MBLAC2: variants seen among roughly 807,000 people sequenced by gnomAD.
The protein encoded by MBLAC2 is acyl-coenzyme A thioesterase MBLAC2.
Under a neutral mutation model 23.3 loss-of-function variants are expected in MBLAC2, and 24 were observed. The observed-to-expected ratio is 1.03, with a 90% CI of 0.75 to 1.45. The LOEUF is 1.45. Ranked by LOEUF, MBLAC2 falls within the 40% of genes most tolerant of loss-of-function variation. MBLAC2 has a pLI of 0.00. For synonymous variants in MBLAC2, 162 were observed against 150.9 expected, an observed-to-expected ratio of 1.07 and a Z score of -0.54; for missense variants, 358 against 370.0, an observed-to-expected ratio of 0.97 and a Z score of 0.27.
At position 90,465,275 on chromosome 5, in the gene MBLAC2, T is replaced by C. The variant is rs1580180754; in HGVS notation, c.455-3723A>G. Among the ~76,000 whole-genome samples, 5 of 152,296 alleles carry C rather than the reference T, an allele frequency of 3.3e-5. No homozygotes were observed. The South Asian group carries it at 8.3e-4, about 25-fold the overall frequency. The stretch of plus-strand genomic sequence containing the variant: ...AAGAATAAAATACTTGGGAAAAAAT[T>C]TGACAAAAGATGTTTTGTAATATAT... On this transcript the variant is annotated intron_variant, in intron 1 of 1. Coordinates refer to ENST00000316610, the MANE Select transcript of MBLAC2 (RefSeq NM_203406.2).
At chr5:90,472,466 G>A (rs1358143634) in intron 1 of MBLAC2, 3 of 126,370 alleles carry the variant, frequency 2.4e-5, no homozygotes, top group African/African-American at 9.9e-5. Flanking sequence ...AAACTTTAAT[G>A]AAGACTTGTT....
At chr5:90,470,295 AGAGTT>A (rs1358207437) in intron 1 of MBLAC2, among the ~76,000 whole-genome samples, 1 of 152,222 alleles carries the variant, frequency 6.6e-6, no homozygotes, top group African/African-American at 2.4e-5. Context: ...TTGATAGACT[AGAGTT>A]AACAAGGATT....
intron 1 of MBLAC2, among the ~76,000 whole-genome samples, chr5:90,463,912 C>T (rs1228384158): frequency 6.6e-6 from 1 of 152,074 alleles, no homozygotes; most frequent in Non-Finnish European, 1.5e-5. Context: ...AACATCACTA[C>T]AGACCCTGAA....
Position 90,473,863 on chromosome 5 carries a change from G to T in MBLAC2, c.430C>A (p.Gln144Lys), listed in dbSNP as rs1357081143. The change falls in exon 1 of 2, where the codon CAG (glutamine) becomes AAG (lysine). Residue 144 changes from glutamine to lysine, a missense_variant. Coordinates refer to ENST00000316610, the MANE Select transcript of MBLAC2 (RefSeq NM_203406.2). ...CCATCCTGCAGGATGAGGGTGGGCT[G>T]CACCGCCTGTACCCGGAACTGTCTG... The part of the protein sequence containing the change: ...RARQFRVQAV[Q>K]PTLILQDGDV... 3 of 1,592,786 alleles carry T rather than the reference G, an allele frequency of 1.9e-6. No individual in the cohort carries two copies. Among genetic ancestry groups the T allele is most frequent in the Middle Eastern group, 1.7e-4 (1 of 6,038 alleles).
chr5:90,467,622 C>A (rs1262290202), intron 1 of MBLAC2, among the ~76,000 whole-genome samples: 1 of 151,966 alleles, frequency 6.6e-6, no homozygotes, highest in African/African-American at 2.4e-5. Flanking sequence ...GAATTCTTAT[C>A]CATTCTGTCA....
In MBLAC2 at chr5:90,474,535, C is replaced by A. The variant is rs1750675193; in HGVS notation, c.-243G>T. 1.9e-6 allele frequency: 1 copy of A among 530,678 alleles called. No individual in the cohort carries two copies. Among genetic ancestry groups the A allele is most frequent in the South Asian group, 2.3e-5 (1 of 42,640 alleles). The allele number at this position is 530,678 out of a possible 1,614,324, so 32.9% of individuals were successfully genotyped here. ...GGTCGGCAGCAAGCAGAGGCTGCGC[C>A]ACCAGCACGGGGGCGCAGGAGCTAC... On this transcript the variant is annotated 5_prime_UTR_variant, in exon 1 of 2. Coordinates refer to ENST00000316610, the MANE Select transcript of MBLAC2 (RefSeq NM_203406.2).
intron 1 of MBLAC2, among the ~76,000 whole-genome samples, chr5:90,467,395 T>C (rs1750466082): frequency 6.6e-6 from 1 of 152,228 alleles, no homozygotes; most frequent in Admixed American, 6.5e-5. Flanking sequence ...TTTAGAATTG[T>C]GATATTTTCC....
chr5:90,471,303 G>A (rs527917709), intron 1 of MBLAC2, among the ~76,000 whole-genome samples: 147 of 152,232 alleles, frequency 9.7e-4, no homozygotes, highest in African/African-American at 3.4e-3. Context: ...TAATATCTTG[G>A]TGACACTGGG....
Position 90,458,541 on chromosome 5 carries a change from G to GA in MBLAC2, c.*2625_*2626insT, listed in dbSNP as rs1298243855. ...TTTAAGTTACAAGGGTCACTGTCAG[G>GA]GTGAAAATATATTTTGAAAAGCTTT... is the stretch of plus-strand genomic sequence containing the variant. On this transcript the variant is annotated 3_prime_UTR_variant, in exon 2 of 2. Coordinates refer to ENST00000316610, the MANE Select transcript of MBLAC2 (RefSeq NM_203406.2). 6.6e-6 allele frequency: 1 copy of GA among 152,048 alleles called. No homozygotes were observed. The highest frequency in any genetic ancestry group is 1.9e-4 in the East Asian group (1 of 5,204). The allele number at this position is 152,048 out of a possible 1,614,324, so 9.4% of individuals were successfully genotyped here.
chr5:90,458,791 T>C lies in MBLAC2; in HGVS notation c.*2376A>G, dbSNP rs1750308294. On this transcript the variant is annotated 3_prime_UTR_variant, in exon 2 of 2. Coordinates refer to ENST00000316610, the MANE Select transcript of MBLAC2 (RefSeq NM_203406.2). ...GTGCTGGGAGTAAGATTAAATTAAATAATGCATATTTTAAATGTACAGCAT... is the reference window on the plus strand; with the variant it reads ...GTGCTGGGAGTAAGATTAAATTAAACAATGCATATTTTAAATGTACAGCAT... 1 of 152,210 alleles carries C rather than the reference T, an allele frequency of 6.6e-6. No individual in the cohort carries two copies. The highest frequency in any genetic ancestry group is 2.4e-5 in the African/African-American group (1 of 41,454). The allele number at this position is 152,210 out of a possible 1,614,324, so 9.4% of individuals were successfully genotyped here.
At chr5:90,464,555 G>A (rs569545295) in intron 1 of MBLAC2, among the ~76,000 whole-genome samples, 14 of 151,984 alleles carry the variant, frequency 9.2e-5, no homozygotes, top group Middle Eastern at 3.4e-3. Flanking sequence ...ATTGCACTCC[G>A]GCCTGAACAA....
Position 90,461,341 on chromosome 5 carries a change from A to C in MBLAC2, c.666T>G (p.Gly222=). 1 of 1,614,170 alleles carries C rather than the reference A, an allele frequency of 6.2e-7. No homozygotes were observed. Among genetic ancestry groups the C allele is most frequent in the Non-Finnish European group, 8.5e-7 (1 of 1,180,020 alleles). Residue 222 remains glycine, a synonymous_variant, in exon 2 of 2, where the codon GGT becomes GGG. Transcript: ENST00000316610. ...CERLIELVDR[G]LVEKVLPGHF... is the part of the protein sequence containing the mutation. ...GCCCAGGAAGCACCTTCTCTACCAG[A>C]CCTCTGTCCACTAATTCTATTAGAC...
chr5:90,466,791 C>T (rs1187950358), intron 1 of MBLAC2, among the ~76,000 whole-genome samples: 1 of 152,186 alleles, frequency 6.6e-6, no homozygotes, highest in African/African-American at 2.4e-5. Context: ...TCAAGTACCA[C>T]TACACACTCA....
intron 1 of MBLAC2, among the ~76,000 whole-genome samples, chr5:90,467,223 T>A (rs1182355283): frequency 6.6e-6 from 1 of 152,206 alleles, no homozygotes; most frequent in Non-Finnish European, 1.5e-5. Flanking sequence ...TTTAAGTCCA[T>A]TGTTTCTTTG....
intron 1 of MBLAC2, among the ~76,000 whole-genome samples, chr5:90,461,866 T>C (rs1429562792): frequency 1.3e-5 from 2 of 152,228 alleles, no homozygotes; most frequent in Non-Finnish European, 2.9e-5. Flanking sequence ...ATTAAGCAGC[T>C]TTCTTTTCAG....
chr5:90,473,466 T>C, intron 1 of MBLAC2: 1 of 572,316 alleles, frequency 1.7e-6, no homozygotes, highest in South Asian at 2.2e-5. Context: ...GTCTGCTCAC[T>C]ACGAAAGCTC....
At position 90,474,673 on chromosome 5, in the gene MBLAC2, C is replaced by T. The variant is rs1181485485; in HGVS notation, c.-381G>A. On this transcript the variant is annotated 5_prime_UTR_variant, in exon 1 of 2. Transcript: ENST00000316610. The stretch of plus-strand genomic sequence containing the variant: ...CCCCGGGCGTGTGACAGCAGAGGCC[C>T]GCAGTGAGGGTGGGAAGAGCTAGAA... 1 of 279,162 alleles carries T rather than the reference C, an allele frequency of 3.6e-6. No homozygotes were observed. Among genetic ancestry groups the T allele is most frequent in the African/African-American group, 2.3e-5 (1 of 43,022 alleles). 17.3% of individuals were successfully genotyped at this position (279,162 alleles called of 1,614,324 possible).
rs1434824698 is a variant in MBLAC2, at chr5:90,474,470, C to A, written c.-178G>T. The stretch of plus-strand genomic sequence containing the variant: ...GAATAGGAGGAGGAAGGACGCAGAC[C>A]GACGCTGCCCGTAGCGTGCGCTCCC... On this transcript the variant is annotated 5_prime_UTR_variant, in exon 1 of 2. Transcript: ENST00000316610. The A allele has an allele frequency of 3.3e-6, 2 of 613,652 alleles. No homozygotes were observed. The highest frequency in any genetic ancestry group is 5.7e-6 in the Non-Finnish European group (2 of 351,848). 38.0% of individuals were successfully genotyped at this position (613,652 alleles called of 1,614,324 possible). A position where few individuals can be genotyped will look rare whatever the true frequency, so the allele number is the denominator to read the frequency against.
chr5:90,462,134 A>T (rs914637280), intron 1 of MBLAC2, among the ~76,000 whole-genome samples: 40 of 152,146 alleles, frequency 2.6e-4, no homozygotes, highest in African/African-American at 8.7e-4. Context: ...GTGAGTAATA[A>T]TCTCCTTAAT....
Sources: allele counts gnomAD v4.1 joint callset (sites outside exome capture counted in the v4.1 genomes callset), GRCh38; gene constraint gnomAD v4.1.1; transcripts MANE v1.5; gene names NCBI Gene and HGNC (gene_info 2026-07-23, HGNC 2026-07-21).